The following VEPH1 variants were observed in gnomAD, a reference collection of about 807,000 sequenced individuals.
VEPH1 encodes the protein ventricular zone-expressed PH domain-containing protein homolog 1.
Under a neutral mutation model 85.2 loss-of-function variants are expected in VEPH1, and 80 were observed. The observed-to-expected ratio is 0.94, with a 90% CI of 0.78 to 1.13. The LOEUF is 1.13. Ranked by LOEUF, VEPH1 falls within the 50% of genes most tolerant of loss-of-function variation. The pLI is 0.00. For synonymous variants in VEPH1, 297 were observed against 348.0 expected, an observed-to-expected ratio of 0.85 and a Z score of 1.63; for missense variants, 955 against 980.5, an observed-to-expected ratio of 0.97 and a Z score of 0.35.
chr3:157,457,031 T>A (rs1238769983), intron 4 of VEPH1, among the ~76,000 whole-genome samples: 1 of 152,216 alleles, frequency 6.6e-6, no homozygotes, highest in African/African-American at 2.4e-5. Flanking sequence ...CATTTGTTTG[T>A]GTCATCTCTG....
At chr3:157,496,059 A>G (rs1739641976) in intron 1 of VEPH1, among the ~76,000 whole-genome samples, 1 of 152,180 alleles carries the variant, frequency 6.6e-6, no homozygotes. Context: ...ACTCCTACGT[A>G]CTCTATAATC....
intron 9 of VEPH1, 93 bp downstream of exon 9, chr3:157,363,271 G>T (rs1251384186): frequency 1.6e-6 from 2 of 1,255,050 alleles, no homozygotes; most frequent in African/African-American, 3.0e-5. Context: ...AAAAGATCCA[G>T]AAAAGAGTAT....
chr3:157,291,624 G>C (rs545052175), intron 11 of VEPH1, among the ~76,000 whole-genome samples: 1 of 152,324 alleles, frequency 6.6e-6, no homozygotes, highest in Non-Finnish European at 1.5e-5. Flanking sequence ...AGAGGAAACT[G>C]AATACAGCTT....
At chr3:157,344,318 A>G (rs1413180184) in intron 9 of VEPH1, among the ~76,000 whole-genome samples, 1 of 152,240 alleles carries the variant, frequency 6.6e-6, no homozygotes, top group Admixed American at 6.5e-5. Flanking sequence ...CTGATAAGCA[A>G]CTTCAGCAAA....
intron 9 of VEPH1, among the ~76,000 whole-genome samples, chr3:157,345,731 G>T (rs547619173): frequency 2.6e-5 from 4 of 152,130 alleles, no homozygotes; most frequent in African/African-American, 9.7e-5. Flanking sequence ...ACATGCACAC[G>T]TATGTTCATT....
intron 2 of VEPH1, among the ~76,000 whole-genome samples, chr3:157,478,372 T>C (rs1160927268): frequency 1.3e-5 from 2 of 152,138 alleles, no homozygotes; most frequent in Admixed American, 6.5e-5. Context: ...CCCCTATAAA[T>C]GTTCTGCATG....
At position 157,481,482 on chromosome 3, in the gene VEPH1, A is replaced by C. The variant is rs1382272276; in HGVS notation, c.139-10953T>G. Reference sequence around the variant, plus strand: ...CACACACACAAAAAAAAAAAAAAAAAAAAACAATCCTAAGCAAAAAGAACA... The same window carrying C: ...CACACACACAAAAAAAAAAAAAAAACAAAACAATCCTAAGCAAAAAGAACA... On this transcript the variant is annotated intron_variant, in intron 2 of 13. Coordinates refer to ENST00000362010, the MANE Select transcript of VEPH1 (RefSeq NM_001167912.2). Among the ~76,000 whole-genome samples the C allele has an allele frequency of 5.4e-5, 8 of 148,504 alleles. 1 individual carries two copies. The highest frequency in any genetic ancestry group is 2.0e-4 in the Admixed American group (3 of 14,922).
intron 6 of VEPH1, among the ~76,000 whole-genome samples, chr3:157,384,209 T>G (rs13083863): frequency 0.046 from 6,931 of 152,272 alleles, 236 homozygotes; most frequent in South Asian, 0.16. Flanking sequence ...AATAGTGTAC[T>G]TAGGACACAT....
chr3:157,396,942 T>A (rs1336594551), intron 6 of VEPH1, among the ~76,000 whole-genome samples: 1 of 152,208 alleles, frequency 6.6e-6, no homozygotes, highest in Non-Finnish European at 1.5e-5. Flanking sequence ...GCTCTTTAAT[T>A]AGATCCCATT....
chr3:157,437,860 C>G (rs1215893102), intron 4 of VEPH1: 2 of 1,499,240 alleles, frequency 1.3e-6, no homozygotes, highest in African/African-American at 2.9e-5. Flanking sequence ...GCGGCAGACG[C>G]GAGCCGACCT....
At chr3:157,443,079 G>C in intron 4 of VEPH1, 4 of 1,352,294 alleles carry the variant, frequency 3.0e-6, no homozygotes, top group South Asian at 3.0e-5. Context: ...AGGAACACTT[G>C]AGACTAATGA....
chr3:157,450,109 G>T (rs1385615395), intron 4 of VEPH1, among the ~76,000 whole-genome samples: 1 of 134,856 alleles, frequency 7.4e-6, no homozygotes, highest in Non-Finnish European at 1.5e-5. Context: ...ATGCTGGAGT[G>T]CAGTGGCACA....
intron 4 of VEPH1, among the ~76,000 whole-genome samples, chr3:157,434,187 T>G (rs2109157215): frequency 6.6e-6 from 1 of 152,328 alleles, no homozygotes; most frequent in South Asian, 2.1e-4. Context: ...TGAATAATAC[T>G]TGCTTGGTGT....
At chr3:157,428,301 C>G (rs1277570433) in intron 5 of VEPH1, 21 bp downstream of exon 5, 1 of 1,613,326 alleles carries the variant, frequency 6.2e-7, no homozygotes, top group Non-Finnish European at 8.5e-7. Context: ...TGCACCATGA[C>G]ATATACAATG....
At chr3:157,347,111 G>A (rs1724312522) in intron 9 of VEPH1, among the ~76,000 whole-genome samples, 1 of 152,084 alleles carries the variant, frequency 6.6e-6, no homozygotes, top group Non-Finnish European at 1.5e-5. Context: ...TAGAAATACT[G>A]TAGGAATACA....
At chr3:157,304,038 T>TATATATATATATACACACAC in intron 11 of VEPH1, among the ~76,000 whole-genome samples, 9 of 96,918 alleles carry the variant, frequency 9.3e-5, no homozygotes, top group African/African-American at 2.1e-4. Context: ...TATATATATA[T>TATATATATATATACACACAC]ACACACATAC....
intron 6 of VEPH1, chr3:157,413,468 T>C (rs1731673471): frequency 1.0e-6 from 1 of 985,284 alleles, no homozygotes; most frequent in South Asian, 4.7e-5. Context: ...TCTCCTGGGT[T>C]AAGAGAAATT....
intron 9 of VEPH1, among the ~76,000 whole-genome samples, chr3:157,351,361 G>A (rs181643775): frequency 9.3e-4 from 141 of 152,144 alleles, no homozygotes; most frequent in African/African-American, 3.0e-3. Context: ...CAGGAGAATC[G>A]CTTGAACATT....
At chr3:157,467,167 A>G (rs1736463251) in intron 3 of VEPH1, among the ~76,000 whole-genome samples, 1 of 150,738 alleles carries the variant, frequency 6.6e-6, no homozygotes. Flanking sequence ...TTAGCTTAAA[A>G]TGACAGTGAA....
Sources: allele counts gnomAD v4.1 joint callset (sites outside exome capture counted in the v4.1 genomes callset), GRCh38; gene constraint gnomAD v4.1.1; transcripts MANE v1.5; gene names NCBI Gene and HGNC (gene_info 2026-07-23, HGNC 2026-07-21).